Variants in VTA1 observed in about 807,000 individuals in gnomAD.
The protein encoded by VTA1 is vacuolar protein sorting-associated protein VTA1 homolog.
Under a neutral mutation model 36.9 loss-of-function variants are expected in VTA1, and 24 were observed. That is an observed-to-expected ratio of 0.65 (90% CI 0.47 to 0.91). The LOEUF (loss-of-function observed/expected upper bound fraction) is 0.91. Among genes scored for constraint, VTA1 ranks in the 40% least tolerant of loss-of-function variants. The pLI, the probability that VTA1 is intolerant of heterozygous loss-of-function variation, is 0.00. For synonymous variants in VTA1, 142 were observed against 130.2 expected, an observed-to-expected ratio of 1.09 and a Z score of -0.62; for missense variants, 393 against 377.2, an observed-to-expected ratio of 1.04 and a Z score of -0.35.
At chr6:142,161,501 T>C (rs1263846625) in intron 1 of VTA1, among the ~76,000 whole-genome samples, 1 of 152,164 alleles carries the variant, frequency 6.6e-6, no homozygotes, top group East Asian at 1.9e-4. Flanking sequence ...TAAATGTTTG[T>C]TTTCTAAATG....
At position 142,198,566 on chromosome 6, in the gene VTA1, G is replaced by T; in HGVS notation, c.648G>T (p.Pro216=). ...SGNYTGIQIP[P]GAHAPANTPA... Reference sequence around the variant, plus strand: ...ACTATACTGGAATACAGATTCCTCCGGGTGCACACGCTCCAGCTAATACAC... The same window carrying T: ...ACTATACTGGAATACAGATTCCTCCTGGTGCACACGCTCCAGCTAATACAC... The change falls in exon 6 of 8, where the codon CCG becomes CCT. Residue 216 remains proline, a synonymous_variant. Coordinates refer to ENST00000367630, the MANE Select transcript of VTA1 (RefSeq NM_016485.5). The T allele has an allele frequency of 6.2e-7, 1 of 1,613,736 alleles. No homozygotes were observed.
At position 142,194,450 on chromosome 6, in the gene VTA1, T is replaced by A. The variant is rs543408134; in HGVS notation, c.521-3989T>A. Reference sequence around the variant, plus strand: ...AATTTCTTTCAGCGGTATTTTAGATTTTTTGAAGTAGAGGTTTTTACCTCT... The same window carrying A: ...AATTTCTTTCAGCGGTATTTTAGATATTTTGAAGTAGAGGTTTTTACCTCT... On this transcript the variant is annotated intron_variant, in intron 5 of 7. Coordinates refer to ENST00000367630, the MANE Select transcript of VTA1 (RefSeq NM_016485.5). Among the ~76,000 whole-genome samples, 7 of 152,272 alleles carry A rather than the reference T, an allele frequency of 4.6e-5. No individual in the cohort carries two copies. The South Asian group carries it at 1.5e-3, about 32-fold the overall frequency.
At chr6:142,169,002 C>G (rs1422490994) in intron 2 of VTA1, among the ~76,000 whole-genome samples, 2 of 151,880 alleles carry the variant, frequency 1.3e-5, no homozygotes, top group African/African-American at 4.8e-5. Context: ...ATCTCCTGAC[C>G]TCGTGATCCA....
At chr6:142,196,853 G>A (rs1053370253) in intron 5 of VTA1, among the ~76,000 whole-genome samples, 1 of 152,082 alleles carries the variant, frequency 6.6e-6, no homozygotes, top group Admixed American at 6.6e-5. Flanking sequence ...TATTCCAGCA[G>A]ACCATTGACT....
chr6:142,178,857 A>C (rs926464272), intron 4 of VTA1, among the ~76,000 whole-genome samples: 4 of 152,050 alleles, frequency 2.6e-5, no homozygotes, highest in Non-Finnish European at 1.5e-5. Context: ...TTTCTAAGAG[A>C]TACTGTTCAA....
chr6:142,213,069 CT>C, intron 7 of VTA1, among the ~76,000 whole-genome samples: 1 of 152,324 alleles, frequency 6.6e-6, no homozygotes, highest in Non-Finnish European at 1.5e-5. Flanking sequence ...AGACTCTCCC[CT>C]GAGACAAGGT....
Position 142,219,606 on chromosome 6 carries a change from A to G in VTA1, c.*963A>G, listed in dbSNP as rs530760055. Reference sequence around the variant, plus strand: ...ATTCGTTTAGCTAATTCAACTTACTACAAAGACAAATGTCTGTTTTTATTT... The same window carrying G: ...ATTCGTTTAGCTAATTCAACTTACTGCAAAGACAAATGTCTGTTTTTATTT... On this transcript the variant is annotated 3_prime_UTR_variant, in exon 8 of 8. Coordinates refer to ENST00000367630, the MANE Select transcript of VTA1 (RefSeq NM_016485.5). 3.9e-5 allele frequency: 6 copies of G among 152,338 alleles called. No individual in the cohort carries two copies. Among genetic ancestry groups the G allele is most frequent in the African/African-American group, 7.2e-5 (3 of 41,594 alleles). 9.4% of individuals were successfully genotyped at this position (152,338 alleles called of 1,614,324 possible).
intron 4 of VTA1, among the ~76,000 whole-genome samples, chr6:142,178,009 C>T (rs888836692): frequency 2.0e-5 from 3 of 151,896 alleles, no homozygotes; most frequent in Non-Finnish European, 4.4e-5. Context: ...AAAACGAGTA[C>T]AAAAAGATAT....
intron 1 of VTA1, among the ~76,000 whole-genome samples, chr6:142,162,889 G>C (rs1001703082): frequency 6.6e-6 from 1 of 152,152 alleles, no homozygotes; most frequent in East Asian, 1.9e-4. Flanking sequence ...TGGAAGAAGA[G>C]GAGATTATGT....
At chr6:142,181,289 A>G (rs1775233815) in intron 4 of VTA1, among the ~76,000 whole-genome samples, 1 of 147,346 alleles carries the variant, frequency 6.8e-6, no homozygotes, top group Non-Finnish European at 1.5e-5. Flanking sequence ...GGCTGCTACC[A>G]TGCCCAGCTA....
At chr6:142,161,618 T>G (rs897102157) in intron 1 of VTA1, among the ~76,000 whole-genome samples, 5 of 152,208 alleles carry the variant, frequency 3.3e-5, no homozygotes, top group Admixed American at 6.5e-5. Flanking sequence ...ACACATTTCC[T>G]TGATGAAATA....
At chr6:142,185,107 G>A (rs2114660628) in intron 4 of VTA1, among the ~76,000 whole-genome samples, 2 of 152,040 alleles carry the variant, frequency 1.3e-5, no homozygotes, top group East Asian at 3.9e-4. Flanking sequence ...CATCTTGCAT[G>A]GCCAAACTAA....
intron 5 of VTA1, among the ~76,000 whole-genome samples, chr6:142,196,882 G>C (rs1336919020): frequency 4.6e-5 from 7 of 151,950 alleles, no homozygotes; most frequent in Non-Finnish European, 1.0e-4. Flanking sequence ...CTCAAACTTT[G>C]TCCCCCTGTT....
In VTA1 at chr6:142,171,645, C is replaced by T. The variant is rs984906217; in HGVS notation, c.411+1224C>T. 2.0e-5 allele frequency among the ~76,000 whole-genome samples: 3 copies of T among 152,292 alleles called. 1 individual carries two copies. The East Asian group carries it at 5.8e-4, about 29-fold the overall frequency. On this transcript the variant is annotated intron_variant, in intron 4 of 7. Coordinates refer to ENST00000367630, the MANE Select transcript of VTA1 (RefSeq NM_016485.5). Reference sequence around the variant, plus strand: ...AAGTTCAGTATCATTTTCACCATAACAGGCTTTACCATTCATGTGGAGAAT... The same window carrying T: ...AAGTTCAGTATCATTTTCACCATAATAGGCTTTACCATTCATGTGGAGAAT...
chr6:142,198,014 G>A (rs556279514), intron 5 of VTA1, among the ~76,000 whole-genome samples: 117 of 151,306 alleles, frequency 7.7e-4, no homozygotes, highest in Admixed American at 2.0e-3. Flanking sequence ...GGAGAATGGC[G>A]TGAACCTGGG....
chr6:142,166,607 A>G (rs1262794114), intron 2 of VTA1, among the ~76,000 whole-genome samples: 1 of 143,328 alleles, frequency 7.0e-6, no homozygotes, highest in Non-Finnish European at 1.5e-5. Flanking sequence ...TAGGTGAAAA[A>G]CCCCTCCTTT....
intron 4 of VTA1, among the ~76,000 whole-genome samples, chr6:142,172,313 C>G (rs1775042819): frequency 6.6e-6 from 1 of 152,152 alleles, no homozygotes; most frequent in Non-Finnish European, 1.5e-5. Context: ...CCAGCCAGGA[C>G]ATTTTTTTTG....
At chr6:142,172,715 A>C (rs1482282129) in intron 4 of VTA1, among the ~76,000 whole-genome samples, 1 of 152,184 alleles carries the variant, frequency 6.6e-6, no homozygotes, top group Non-Finnish European at 1.5e-5. Context: ...TTGGGGATAC[A>C]GAGGTAATAT....
At chr6:142,175,106 T>A (rs1299353456) in intron 4 of VTA1, among the ~76,000 whole-genome samples, 1 of 152,212 alleles carries the variant, frequency 6.6e-6, no homozygotes, top group Non-Finnish European at 1.5e-5. Flanking sequence ...GATATTCTAA[T>A]TAAGTTATTT....
Sources: gnomAD v4.1 joint callset for allele counts (sites outside exome capture counted in the v4.1 genomes callset) on GRCh38, gnomAD v4.1.1 for gene constraint, MANE v1.5 for transcripts, NCBI Gene and HGNC (gene_info 2026-07-23, HGNC 2026-07-21) for gene names.